OPCML: variants seen among roughly 807,000 people sequenced by gnomAD.
OPCML encodes opioid binding protein/cell adhesion molecule like.
In OPCML, 13 loss-of-function variants were observed where a neutral mutation model predicts 37.8. The observed-to-expected ratio is 0.34, with a 90% confidence interval of 0.22 to 0.55. The LOEUF is 0.55. OPCML is among the 20% of genes least tolerant of loss of function. The pLI is 0.91. For missense variants in OPCML, 341 were observed against 435.6 expected (o/e 0.78, Z 1.93); for synonymous variants, 176 against 168.8 (o/e 1.04, Z -0.33).
intron 1 of OPCML, among the ~76,000 whole-genome samples, chr11:133,391,073 C>T (rs981059307): frequency 6.6e-6 from 1 of 152,114 alleles, no homozygotes; most frequent in Non-Finnish European, 1.5e-5. Flanking sequence ...CACGACTCAG[C>T]GGAAGAAGAA....
chr11:133,043,145 C>T (rs1947939448), intron 1 of OPCML, among the ~76,000 whole-genome samples: 1 of 152,170 alleles, frequency 6.6e-6, no homozygotes, highest in South Asian at 2.1e-4. Context: ...TCTTCCACCT[C>T]ATCAACTCTC....
intron 1 of OPCML, chr11:133,024,352 C>T: frequency 1.0e-6 from 1 of 985,276 alleles, no homozygotes; most frequent in Non-Finnish European, 1.2e-6. Context: ...ACAGGTGAAA[C>T]AGCACACGTG....
At chr11:133,253,561 C>T (rs2136439185) in intron 1 of OPCML, among the ~76,000 whole-genome samples, 1 of 152,282 alleles carries the variant, frequency 6.6e-6, no homozygotes, top group Admixed American at 6.5e-5. Context: ...CCACCCACCT[C>T]GGCCTCGTAA....
At chr11:132,758,775 A>G (rs1946154108) in intron 2 of OPCML, among the ~76,000 whole-genome samples, 1 of 152,112 alleles carries the variant, frequency 6.6e-6, no homozygotes, top group South Asian at 2.1e-4. Flanking sequence ...TTCTCTTCCT[A>G]TTTGAATACC....
At chr11:133,341,100 A>C (rs1943859613) in intron 1 of OPCML, among the ~76,000 whole-genome samples, 1 of 152,094 alleles carries the variant, frequency 6.6e-6, no homozygotes, top group South Asian at 2.1e-4. Flanking sequence ...CCCAGCTGCG[A>C]GCTTCTTGTG....
intron 1 of OPCML, among the ~76,000 whole-genome samples, chr11:132,945,260 C>G (rs1242987131): frequency 1.3e-5 from 2 of 152,202 alleles, no homozygotes; most frequent in Non-Finnish European, 2.9e-5. Flanking sequence ...TTCCATAAAC[C>G]TAGATGACAC....
intron 1 of OPCML, among the ~76,000 whole-genome samples, chr11:133,429,455 G>A (rs1445364536): frequency 1.3e-5 from 2 of 152,180 alleles, no homozygotes; most frequent in Non-Finnish European, 2.9e-5. Context: ...ACGGGACAGA[G>A]GCATGGCAGG....
intron 2 of OPCML, among the ~76,000 whole-genome samples, chr11:132,847,645 A>G (rs1941610167): frequency 6.6e-6 from 1 of 152,226 alleles, no homozygotes; most frequent in African/African-American, 2.4e-5. Flanking sequence ...ACTCTCTTTC[A>G]GGAATCTCAG....
chr11:133,079,104 C>A (rs1166836691), intron 1 of OPCML, among the ~76,000 whole-genome samples: 1 of 152,136 alleles, frequency 6.6e-6, no homozygotes, highest in Non-Finnish European at 1.5e-5. Context: ...ACATACACGC[C>A]CGCCTGAATT....
intron 1 of OPCML, chr11:133,067,719 C>T (rs7934652): frequency 1.3e-5 from 2 of 151,962 alleles, no homozygotes; most frequent in Non-Finnish European, 2.9e-5. Flanking sequence ...CTTCTTGTTG[C>T]CTCTTTCACT....
intron 1 of OPCML, among the ~76,000 whole-genome samples, chr11:133,505,045 T>C (rs557832659): frequency 5.9e-5 from 9 of 152,334 alleles, no homozygotes; most frequent in African/African-American, 2.2e-4. Flanking sequence ...TTTCGGGCCA[T>C]GCAGAGGTCA....
chr11:132,440,855 C>G (rs2096030253), intron 4 of OPCML, among the ~76,000 whole-genome samples: 1 of 152,174 alleles, frequency 6.6e-6, no homozygotes, highest in African/African-American at 2.4e-5. Flanking sequence ...TGCTACTTGC[C>G]TGGAGACCTA....
At chr11:133,397,183 A>G (rs1413973146) in intron 1 of OPCML, among the ~76,000 whole-genome samples, 3 of 152,328 alleles carry the variant, frequency 2.0e-5, no homozygotes, top group East Asian at 1.9e-4. Context: ...GGGGATAAAA[A>G]TGTAGGCAGT....
chr11:132,513,839 T>C (rs1439313385), intron 4 of OPCML, among the ~76,000 whole-genome samples: 1 of 152,218 alleles, frequency 6.6e-6, no homozygotes, highest in Non-Finnish European at 1.5e-5. Flanking sequence ...TTTATTGTAC[T>C]ATAATTAAAT....
At chr11:133,001,045 C>T (rs1166704576) in intron 1 of OPCML, among the ~76,000 whole-genome samples, 2 of 152,190 alleles carry the variant, frequency 1.3e-5, no homozygotes, top group Non-Finnish European at 2.9e-5. Flanking sequence ...TAGAAGACAG[C>T]AGATGTAGGC....
At chr11:133,050,189 T>C (rs1948104807) in intron 1 of OPCML, among the ~76,000 whole-genome samples, 1 of 152,196 alleles carries the variant, frequency 6.6e-6, no homozygotes, top group African/African-American at 2.4e-5. Flanking sequence ...CTGCCCATTC[T>C]AGTTTGTTCA....
Position 132,884,114 on chromosome 11 carries a change from C to T in OPCML, c.146+58812G>A, listed in dbSNP as rs558344948. ...AAATGAGATTATAGCTGGGGTTATC[C>T]ATTTGGGAAAAATTCACATATTAGA... is the stretch of plus-strand genomic sequence containing the variant. On this transcript the variant is annotated intron_variant, in intron 2 of 7. Transcript: ENST00000524381. Among the ~76,000 whole-genome samples, 3 of 152,230 alleles carry T rather than the reference C, an allele frequency of 2.0e-5. No homozygotes were observed. In the East Asian group the frequency reaches 5.8e-4, roughly 29 times the overall value.
chr11:133,449,890 T>C (rs1946547245), intron 1 of OPCML, among the ~76,000 whole-genome samples: 1 of 151,436 alleles, frequency 6.6e-6, no homozygotes, highest in Non-Finnish European at 1.5e-5. Context: ...AGGCTAATCA[T>C]GGTAATCCCA....
chr11:132,439,145 G>A (rs1411734156), intron 4 of OPCML, among the ~76,000 whole-genome samples: 4 of 152,144 alleles, frequency 2.6e-5, no homozygotes, highest in Admixed American at 6.5e-5. Context: ...GTCCCAAAAT[G>A]TACCCATAGA....
Sources: gnomAD v4.1 joint callset for allele counts (sites outside exome capture counted in the v4.1 genomes callset) on GRCh38, gnomAD v4.1.1 for gene constraint, MANE v1.5 for transcripts, NCBI Gene and HGNC (gene_info 2026-07-23, HGNC 2026-07-21) for gene names.